The following PARD3 variants were observed in gnomAD, a reference collection of about 807,000 sequenced individuals.
The protein encoded by PARD3 is partitioning defective 3 homolog.
A neutral mutation model predicts 155.4 loss-of-function variants in PARD3; 75 were observed. The observed-to-expected ratio is 0.48, with a 90% CI of 0.40 to 0.58. The LOEUF (loss-of-function observed/expected upper bound fraction) is 0.58. Ranked by LOEUF, PARD3 falls within the 20% of genes least tolerant of loss-of-function variation. PARD3 has a pLI of 0.00. For synonymous variants in PARD3, 576 were observed against 610.5 expected (o/e 0.94, Z 0.83); for missense variants, 1,642 against 1,721.7 (o/e 0.95, Z 0.82).
intron 3 of PARD3, among the ~76,000 whole-genome samples, chr10:34,483,469 G>A (rs2079224667): frequency 7.3e-6 from 1 of 137,134 alleles, no homozygotes; most frequent in Admixed American, 7.5e-5. Flanking sequence ...ACGACAGAGT[G>A]AGACTCTGTC....
intron 1 of PARD3, among the ~76,000 whole-genome samples, chr10:34,706,449 A>T (rs2094363160): frequency 6.6e-6 from 1 of 152,170 alleles, no homozygotes. Context: ...AATACAGTAC[A>T]TAAAGAGAAG....
chr10:34,769,116 T>C (rs1395375553), intron 1 of PARD3, among the ~76,000 whole-genome samples: 2 of 152,168 alleles, frequency 1.3e-5, no homozygotes, highest in African/African-American at 4.8e-5. Context: ...ACCCTCCACA[T>C]AAACAAGGTG....
chr10:34,275,544 GAC>G (rs1414871626), intron 21 of PARD3, among the ~76,000 whole-genome samples: 1 of 152,108 alleles, frequency 6.6e-6, no homozygotes, highest in Non-Finnish European at 1.5e-5. Flanking sequence ...ATTAACAAAA[GAC>G]ACAAATGAAT....
chr10:34,406,168 C>T (rs897759334), intron 5 of PARD3, among the ~76,000 whole-genome samples: 14 of 152,140 alleles, frequency 9.2e-5, no homozygotes, highest in African/African-American at 3.4e-4. Flanking sequence ...ATAACAATGC[C>T]TTCTGAATAG....
At chr10:34,525,254 G>T (rs372335220) in intron 2 of PARD3, among the ~76,000 whole-genome samples, 1 of 152,142 alleles carries the variant, frequency 6.6e-6, no homozygotes, top group Admixed American at 6.5e-5. Flanking sequence ...TTAATTCCAC[G>T]CTTCATCAGC....
chr10:34,271,976 A>G (rs1231096429), intron 21 of PARD3, among the ~76,000 whole-genome samples: 1 of 152,252 alleles, frequency 6.6e-6, no homozygotes, highest in East Asian at 1.9e-4. Context: ...ATACACATCT[A>G]TAAGCCAAAC....
At chr10:34,556,452 C>T (rs1403670278) in intron 2 of PARD3, among the ~76,000 whole-genome samples, 2 of 151,290 alleles carry the variant, frequency 1.3e-5, no homozygotes, top group East Asian at 3.9e-4. Flanking sequence ...GCGAGATCTC[C>T]GCTCACTGCA....
chr10:34,292,977 TA>T (rs1449320827), intron 20 of PARD3, among the ~76,000 whole-genome samples: 2 of 152,010 alleles, frequency 1.3e-5, no homozygotes, highest in African/African-American at 4.8e-5. Context: ...GAATTGGAAA[TA>T]GGGGGGACAA....
chr10:34,588,781 A>G (rs1824073303), intron 2 of PARD3, among the ~76,000 whole-genome samples: 1 of 152,212 alleles, frequency 6.6e-6, no homozygotes, highest in East Asian at 1.9e-4. Context: ...TCCTCAAGCT[A>G]TGGTCTGAGG....
At position 34,208,014 on chromosome 10, in the gene PARD3, C is replaced by G. The variant is rs545900618; in HGVS notation, c.3419+61643G>C. ...CTGAACTTCTCATGCAAAGAACACA[C>G]CTTTTTATTTCTCAAAGCTTGAATA... On this transcript the variant is annotated intron_variant, in intron 22 of 24. Transcript: ENST00000374788. Among the ~76,000 whole-genome samples the G allele has an allele frequency of 1.3e-3, 196 of 152,320 alleles. 2 individuals are homozygous for G. The highest frequency in any genetic ancestry group is 2.2e-3 in the Non-Finnish European group (147 of 68,024).
chr10:34,756,627 T>C (rs1358333170), intron 1 of PARD3, among the ~76,000 whole-genome samples: 2 of 152,016 alleles, frequency 1.3e-5, no homozygotes, highest in Admixed American at 6.6e-5. Context: ...CTAGTTTTTT[T>C]ACTTTTTATA....
chr10:34,181,605 G>A (rs745795243), intron 22 of PARD3, among the ~76,000 whole-genome samples: 7 of 152,080 alleles, frequency 4.6e-5, no homozygotes, highest in Non-Finnish European at 8.8e-5. Context: ...TACATACACA[G>A]TTTTCTATTC....
intron 2 of PARD3, among the ~76,000 whole-genome samples, chr10:34,591,246 A>G (rs924703828): frequency 6.6e-6 from 1 of 152,128 alleles, no homozygotes; most frequent in Non-Finnish European, 1.5e-5. Flanking sequence ...ATCTTACTTT[A>G]TCTCTGTGTG....
At chr10:34,141,918 G>C (rs1046541438) in intron 22 of PARD3, among the ~76,000 whole-genome samples, 1 of 152,090 alleles carries the variant, frequency 6.6e-6, no homozygotes, top group Non-Finnish European at 1.5e-5. Context: ...ACCTCCAATG[G>C]GGCATCTACT....
intron 12 of PARD3, among the ~76,000 whole-genome samples, chr10:34,364,843 C>T (rs1839814185): frequency 6.6e-6 from 1 of 152,310 alleles, no homozygotes; most frequent in African/African-American, 2.4e-5. Flanking sequence ...AAGCCATTCA[C>T]TAAAGAAAGA....
chr10:34,544,909 A>G (rs1356572397), intron 2 of PARD3, among the ~76,000 whole-genome samples: 2 of 152,228 alleles, frequency 1.3e-5, no homozygotes, highest in Admixed American at 1.3e-4. Flanking sequence ...CTAAAAGGTA[A>G]TATAAAGCCC....
chr10:34,179,956 G>T (rs566065087), intron 22 of PARD3, among the ~76,000 whole-genome samples: 2 of 152,078 alleles, frequency 1.3e-5, no homozygotes, highest in Non-Finnish European at 2.9e-5. Context: ...CATAGTAGGG[G>T]TATATATTTA....
chr10:34,183,781 G>C lies in PARD3; in HGVS notation c.3420-52198C>G, dbSNP rs112804122. Among the ~76,000 whole-genome samples the C allele has an allele frequency of 7.4e-3, 1,133 of 152,224 alleles. 13 individuals are homozygous for C. The highest frequency in any genetic ancestry group is 0.025 in the African/African-American group (1,030 of 41,538). On this transcript the variant is annotated intron_variant, in intron 22 of 24. Transcript: ENST00000374788. Reference sequence around the variant, plus strand: ...TTCCAAGCCCCCCTCCCTTTTCTCTGTATGGGGGAGCTGTTCTCTTCTTTC... The same window carrying C: ...TTCCAAGCCCCCCTCCCTTTTCTCTCTATGGGGGAGCTGTTCTCTTCTTTC...
chr10:34,581,173 A>G (rs1248786786), intron 2 of PARD3, among the ~76,000 whole-genome samples: 4 of 143,864 alleles, frequency 2.8e-5, no homozygotes, highest in Non-Finnish European at 4.6e-5. Context: ...ATTAATATTT[A>G]TTTGGGATTC....
Sources: allele counts gnomAD v4.1 joint callset (sites outside exome capture counted in the v4.1 genomes callset), GRCh38; gene constraint gnomAD v4.1.1; transcripts MANE v1.5; gene names NCBI Gene and HGNC (gene_info 2026-07-23, HGNC 2026-07-21).